Variants in SHROOM3 observed in about 807,000 individuals in gnomAD.
The protein encoded by SHROOM3 is protein Shroom3.
SHROOM3 carries 47 observed loss-of-function variants against 138.6 expected under a neutral mutation model. That is an observed-to-expected ratio of 0.34 (90% confidence interval 0.27 to 0.43). The LOEUF (loss-of-function observed/expected upper bound fraction) is 0.43, where lower values mean the gene tolerates loss of function less well. Among genes scored for constraint, SHROOM3 ranks in the 20% least tolerant of loss-of-function variants. The probability of loss-of-function intolerance (pLI) is 1.00; values close to 1 mark genes in which losing one functional copy is unlikely to be tolerated. For synonymous variants in SHROOM3, 1,062 were observed against 1,063.3 expected, an observed-to-expected ratio of 1.00 and a Z score of 0.02; for missense variants, 2,491 against 2,596.5, an observed-to-expected ratio of 0.96 and a Z score of 0.88.
At position 76,741,226 on chromosome 4, in the gene SHROOM3, G is replaced by A. The variant is rs957919414; in HGVS notation, c.3053G>A (p.Arg1018His). The stretch of plus-strand genomic sequence containing the variant: ...CGCCTGACTCCCGAGCAGAAGAAGC[G>A]CTCCTACTCGGAGCCCGAGAAGATG... Reference protein sequence around the residue: ...RRRLTPEQKKRSYSEPEKMNE... With the variant: ...RRRLTPEQKKHSYSEPEKMNE... Residue 1018 changes from arginine (R) to histidine (H), a missense_variant, in exon 5 of 11, where the codon CGC becomes CAC. By Grantham distance (29) the Arg-to-His change is conservative (BLOSUM62 0). Coordinates refer to ENST00000296043, the MANE Select transcript of SHROOM3 (RefSeq NM_020859.4). This position sits in a 1 kb window ranked among gnomAD's most constrained non-coding sequence, Gnocchi z 6.2. 6.2e-7 allele frequency: 1 copy of A among 1,610,532 alleles called. No homozygotes were observed. The highest frequency in any genetic ancestry group is 8.5e-7 in the Non-Finnish European group (1 of 1,179,074).
chr4:76,722,292 A>T (rs1393937274), intron 3 of SHROOM3, among the ~76,000 whole-genome samples: 2 of 152,208 alleles, frequency 1.3e-5, no homozygotes, highest in African/African-American at 4.8e-5. Context: ...GATAAAGAAA[A>T]TGTGCTACCT....
intron 1 of SHROOM3, among the ~76,000 whole-genome samples, chr4:76,461,690 A>C (rs1362000555): frequency 2.6e-5 from 4 of 152,124 alleles, no homozygotes; most frequent in Non-Finnish European, 5.9e-5. Context: ...CATTAGGTGA[A>C]AGCAAAAGGC....
At chr4:76,474,723 T>C (rs1731447223) in intron 1 of SHROOM3, among the ~76,000 whole-genome samples, 1 of 152,028 alleles carries the variant, frequency 6.6e-6, no homozygotes, top group African/African-American at 2.4e-5. Context: ...AAGACCAGTC[T>C]GGTCAACATG....
intron 2 of SHROOM3, among the ~76,000 whole-genome samples, chr4:76,648,487 T>G (rs769738080): frequency 2.1e-5 from 3 of 143,810 alleles, no homozygotes; most frequent in Non-Finnish European, 4.5e-5. Flanking sequence ...AATGGATGGC[T>G]AGGCTGTTAA....
chr4:76,759,808 C>T (rs1285307292), intron 9 of SHROOM3, 113 bp downstream of exon 9: 4 of 1,254,816 alleles, frequency 3.2e-6, no homozygotes, highest in African/African-American at 1.5e-5. Flanking sequence ...GGACCTGTCA[C>T]ATCACCAGAT....
At chr4:76,444,487 T>G (rs1300992966) in intron 1 of SHROOM3, among the ~76,000 whole-genome samples, 1 of 57,348 alleles carries the variant, frequency 1.7e-5, no homozygotes, top group Non-Finnish European at 3.3e-5. Flanking sequence ...TTTCTTTCTT[T>G]TTTTTTTTTT....
chr4:76,438,297 C>T (rs1424361321), intron 1 of SHROOM3, among the ~76,000 whole-genome samples: 1 of 152,112 alleles, frequency 6.6e-6, no homozygotes, highest in Non-Finnish European at 1.5e-5. Flanking sequence ...AGTGACTTGC[C>T]ACCACATCTG....
intron 2 of SHROOM3, among the ~76,000 whole-genome samples, chr4:76,581,498 T>C (rs1051325094): frequency 1.3e-5 from 2 of 152,224 alleles, no homozygotes; most frequent in African/African-American, 4.8e-5. Context: ...TGGACTTAAC[T>C]GACATCTTTT....
chr4:76,774,080 G>A (rs1722463466), intron 10 of SHROOM3, among the ~76,000 whole-genome samples: 1 of 152,116 alleles, frequency 6.6e-6, no homozygotes, highest in Admixed American at 6.5e-5. Flanking sequence ...TAGAGAAGAG[G>A]GGATAAATTA....
chr4:76,652,103 C>CA (rs35591555), intron 2 of SHROOM3, among the ~76,000 whole-genome samples: 1 of 152,014 alleles, frequency 6.6e-6, no homozygotes, highest in East Asian at 1.9e-4. Context: ...AATTCAATTC[C>CA]AAAAAAGGAC....
chr4:76,555,042 C>T (rs565382243), intron 1 of SHROOM3, among the ~76,000 whole-genome samples: 6 of 151,198 alleles, frequency 4.0e-5, no homozygotes, highest in South Asian at 4.2e-4. Flanking sequence ...CATCTAGTTG[C>T]GGGAAACAAG....
rs79451279 is a variant in SHROOM3 at position 76,539,736 on chromosome 4, C to A, written c.169-15873C>A. Reference sequence around the variant, plus strand: ...TCTAAGCATGGGGGCCAGATTTGAACCCAGGCAGTCTGGTTACAAAACTTA... The same window carrying A: ...TCTAAGCATGGGGGCCAGATTTGAAACCAGGCAGTCTGGTTACAAAACTTA... On this transcript the variant is annotated intron_variant, in intron 1 of 10. Transcript: ENST00000296043. Among the ~76,000 whole-genome samples the A allele has an allele frequency of 9.1e-3, 1,388 of 152,280 alleles. 23 individuals are homozygous for A. The highest frequency in any genetic ancestry group is 0.03 in the African/African-American group (1,267 of 41,560).
At chr4:76,534,540 A>T (rs78569291) in intron 1 of SHROOM3, among the ~76,000 whole-genome samples, 1 of 151,756 alleles carries the variant, frequency 6.6e-6, no homozygotes, top group Non-Finnish European at 1.5e-5. Context: ...ATACAAAAAA[A>T]GTAGTCTGAT....
chr4:76,471,752 T>G (rs532303621), intron 1 of SHROOM3, among the ~76,000 whole-genome samples: 6 of 152,172 alleles, frequency 3.9e-5, no homozygotes, highest in Non-Finnish European at 8.8e-5. Flanking sequence ...TTTTGAACAC[T>G]TACTGCTCCC....
At chr4:76,646,166 A>T (rs1435325848) in intron 2 of SHROOM3, among the ~76,000 whole-genome samples, 1 of 148,560 alleles carries the variant, frequency 6.7e-6, no homozygotes, top group Non-Finnish European at 1.5e-5. Context: ...ACATGTATAC[A>T]TATGTAACAA....
intron 2 of SHROOM3, among the ~76,000 whole-genome samples, chr4:76,641,195 C>T (rs2110080994): frequency 6.6e-6 from 1 of 152,226 alleles, no homozygotes; most frequent in East Asian, 1.9e-4. Flanking sequence ...TTCCCATGAG[C>T]CAAGTCCCAT....
chr4:76,663,825 GT>G (rs1359305940), intron 2 of SHROOM3, among the ~76,000 whole-genome samples: 1 of 152,216 alleles, frequency 6.6e-6, no homozygotes, highest in African/African-American at 2.4e-5. Context: ...CAGTGTAACA[GT>G]TGGGTTAGAG....
chr4:76,489,793 G>T (rs1355573560), intron 1 of SHROOM3, among the ~76,000 whole-genome samples: 1 of 152,122 alleles, frequency 6.6e-6, no homozygotes, highest in Non-Finnish European at 1.5e-5. Context: ...GCAGATTAGA[G>T]GGACATAGTT....
intron 1 of SHROOM3, among the ~76,000 whole-genome samples, chr4:76,459,013 C>T (rs1367080235): frequency 6.6e-6 from 1 of 151,952 alleles, no homozygotes; most frequent in Non-Finnish European, 1.5e-5. Context: ...AGCAGGGGGG[C>T]GGGGATTGGA....
Sources: gnomAD v4.1 joint callset for allele counts (sites outside exome capture counted in the v4.1 genomes callset) on GRCh38, gnomAD v4.1.1 for gene constraint, Gnocchi (gnomAD v3.1) non-coding constraint, MANE v1.5 for transcripts, NCBI Gene and HGNC (gene_info 2026-07-23, HGNC 2026-07-21) for gene names.